CNTNAP5: variants seen among roughly 807,000 people sequenced by gnomAD.
CNTNAP5 encodes the protein contactin associated protein family member 5, also known as contactin-associated protein-like 5.
CNTNAP5 carries 72 observed loss-of-function variants against 150.2 expected under a neutral mutation model. The observed-to-expected ratio is 0.48, with a 90% CI of 0.40 to 0.58. CNTNAP5 has a LOEUF of 0.58. Ranked by LOEUF, CNTNAP5 falls within the 20% of genes least tolerant of loss-of-function variation. The pLI, the probability that CNTNAP5 is intolerant of heterozygous loss-of-function variation, is 0.00. For missense variants in CNTNAP5, 1,636 were observed against 1,626.2 expected (o/e 1.01, Z -0.10); for synonymous variants, 672 against 619.8 (o/e 1.08, Z -1.25).
At chr2:124,642,157 C>A (rs1025511599) in intron 12 of CNTNAP5, among the ~76,000 whole-genome samples, 1 of 152,122 alleles carries the variant, frequency 6.6e-6, no homozygotes, top group African/African-American at 2.4e-5. Flanking sequence ...TGTCTGGGAG[C>A]TTTTCTGGGG....
In CNTNAP5 at chr2:124,139,847, C is replaced by T. The variant is rs531801072; in HGVS notation, c.83-81858C>T. On this transcript the variant is annotated intron_variant, in intron 1 of 23. Transcript: ENST00000682447. ...CTCCCAGCGTGAGCGACGCAGAAGA[C>T]GGGTGATTTCTGCATTTCCATCTGA... is the stretch of plus-strand genomic sequence containing the variant. Among the ~76,000 whole-genome samples the T allele has an allele frequency of 7.9e-5, 12 of 152,266 alleles. No individual in the cohort carries two copies. The South Asian group carries it at 1.2e-3, about 16-fold the overall frequency.
At chr2:124,237,896 T>C (rs1207707295) in intron 2 of CNTNAP5, among the ~76,000 whole-genome samples, 1 of 152,114 alleles carries the variant, frequency 6.6e-6, no homozygotes, top group East Asian at 1.9e-4. Context: ...GAATTCTCCA[T>C]ACAAGTCTAT....
intron 12 of CNTNAP5, among the ~76,000 whole-genome samples, chr2:124,637,969 T>C (rs1678006227): frequency 6.6e-6 from 1 of 152,096 alleles, no homozygotes; most frequent in East Asian, 1.9e-4. Context: ...ACCTCTTTTT[T>C]GTAGCAAATG....
chr2:124,661,010 G>C (rs1303152059), intron 13 of CNTNAP5, among the ~76,000 whole-genome samples: 2 of 150,940 alleles, frequency 1.3e-5, no homozygotes, highest in East Asian at 1.9e-4. Context: ...ACCATGAACA[G>C]AGCTTTCAGG....
intron 7 of CNTNAP5, among the ~76,000 whole-genome samples, 163 bp from the exon 8 acceptor site, chr2:124,504,129 A>T (rs977515594): frequency 6.6e-6 from 1 of 152,102 alleles, no homozygotes; most frequent in African/African-American, 2.4e-5. Flanking sequence ...CGATCTTGTG[A>T]GTGTGTCTGA....
At chr2:124,688,525 G>C (rs1446175645) in intron 13 of CNTNAP5, among the ~76,000 whole-genome samples, 1 of 152,066 alleles carries the variant, frequency 6.6e-6, no homozygotes, top group East Asian at 1.9e-4. Flanking sequence ...GAATGACGTA[G>C]AATTTTAGGA....
chr2:124,089,312 T>C (rs1373648392), intron 1 of CNTNAP5, among the ~76,000 whole-genome samples: 1 of 152,064 alleles, frequency 6.6e-6, no homozygotes, highest in African/African-American at 2.4e-5. Flanking sequence ...AAATATTTCG[T>C]TGGACTACTC....
intron 3 of CNTNAP5, among the ~76,000 whole-genome samples, chr2:124,269,303 C>A (rs561205412): frequency 2.6e-5 from 4 of 152,146 alleles, no homozygotes; most frequent in African/African-American, 9.7e-5. Flanking sequence ...CAGTGCAGAA[C>A]CTTTGAGTAC....
At chr2:124,286,603 G>A (rs1268548144) in intron 3 of CNTNAP5, among the ~76,000 whole-genome samples, 1 of 152,190 alleles carries the variant, frequency 6.6e-6, no homozygotes, top group African/African-American at 2.4e-5. Context: ...TGATTCAGCA[G>A]AATTGAGGTT....
intron 13 of CNTNAP5, among the ~76,000 whole-genome samples, chr2:124,736,015 G>A (rs1442844956): frequency 6.6e-6 from 1 of 152,138 alleles, no homozygotes; most frequent in East Asian, 1.9e-4. Flanking sequence ...CAGATCACCT[G>A]AGGTCAGGAG....
chr2:124,185,663 G>A (rs1685317293), intron 1 of CNTNAP5, among the ~76,000 whole-genome samples: 1 of 152,166 alleles, frequency 6.6e-6, no homozygotes, highest in Non-Finnish European at 1.5e-5. Flanking sequence ...CACTAAAGAA[G>A]AGCGTCTGTT....
At chr2:124,149,238 G>A (rs1684340761) in intron 1 of CNTNAP5, among the ~76,000 whole-genome samples, 1 of 151,554 alleles carries the variant, frequency 6.6e-6, no homozygotes, top group Non-Finnish European at 1.5e-5. Flanking sequence ...TTACATTTTG[G>A]GTCCCTATAT....
At chr2:124,891,444 C>T (rs1573691939) in intron 21 of CNTNAP5, among the ~76,000 whole-genome samples, 1 of 152,080 alleles carries the variant, frequency 6.6e-6, no homozygotes, top group East Asian at 1.9e-4. Context: ...TAGACCCCAT[C>T]GCTCAGTGAA....
At chr2:124,667,157 C>T (rs1678718345) in intron 13 of CNTNAP5, among the ~76,000 whole-genome samples, 1 of 152,178 alleles carries the variant, frequency 6.6e-6, no homozygotes, top group Non-Finnish European at 1.5e-5. Context: ...TGCCCCAGGG[C>T]AGTTTATGAC....
chr2:124,035,563 A>C (rs1188327797), intron 1 of CNTNAP5, among the ~76,000 whole-genome samples: 1 of 152,168 alleles, frequency 6.6e-6, no homozygotes, highest in Non-Finnish European at 1.5e-5. Context: ...AATAGAGTGC[A>C]CGGGAACCCA....
At chr2:124,288,846 A>G (rs781473081) in intron 3 of CNTNAP5, among the ~76,000 whole-genome samples, 7 of 152,234 alleles carry the variant, frequency 4.6e-5, no homozygotes, top group Non-Finnish European at 7.3e-5. Context: ...AGCCAAGAAC[A>G]GTGACTGGAA....
rs568998576 is a variant in CNTNAP5 at position 124,057,526 on chromosome 2, G to A, written c.82+31794G>A. On this transcript the variant is annotated intron_variant, in intron 1 of 23. Transcript: ENST00000682447. ...AGGATGGTCTGGATCTCCTGACCTC[G>A]TGATCCGCCCGCCTTGGACTCCCAA... 2.2e-4 allele frequency among the ~76,000 whole-genome samples: 31 copies of A among 141,474 alleles called. No individual in the cohort carries two copies. The South Asian group carries it at 2.7e-3, about 12-fold the overall frequency. 92.8% of individuals were successfully genotyped at this position (141,474 alleles called of 152,430 possible).
At position 124,039,568 on chromosome 2, in the gene CNTNAP5, G is replaced by A. The variant is rs1681311612; in HGVS notation, c.82+13836G>A. Among the ~76,000 whole-genome samples, 4 of 152,222 alleles carry A rather than the reference G, an allele frequency of 2.6e-5. 1 individual carries two copies. The highest frequency in any genetic ancestry group is 5.9e-5 in the Non-Finnish European group (4 of 68,020). ...AGTAATGTGAGTAGAAGTGATGAAA[G>A]TATACAAATTAAATAAAATTGTCAC... On this transcript the variant is annotated intron_variant, in intron 1 of 23. Coordinates refer to ENST00000682447, the MANE Select transcript of CNTNAP5 (RefSeq NM_001367498.1).
intron 11 of CNTNAP5, among the ~76,000 whole-genome samples, chr2:124,599,040 G>A (rs992589965): frequency 6.6e-6 from 1 of 152,102 alleles, no homozygotes; most frequent in South Asian, 2.1e-4. Context: ...TGCGCCCACT[G>A]TCTGGCACTC....
Sources: allele counts gnomAD v4.1 joint callset (sites outside exome capture counted in the v4.1 genomes callset), GRCh38; gene constraint gnomAD v4.1.1; transcripts MANE v1.5; gene names NCBI Gene and HGNC (gene_info 2026-07-23, HGNC 2026-07-21).